The following OPHN1 variants were observed in gnomAD, a reference collection of about 807,000 sequenced individuals.
The protein encoded by OPHN1 is oligophrenin-1.
OPHN1 carries 11 observed loss-of-function variants against 60.7 expected under a neutral mutation model. The ratio of observed to expected loss-of-function variants is 0.18; its 90% CI spans 0.11 to 0.30. The LOEUF (loss-of-function observed/expected upper bound fraction) is 0.30. Among genes scored for constraint, OPHN1 ranks in the 10% least tolerant of loss-of-function variants. OPHN1 has a pLI of 1.00. For synonymous variants in OPHN1, 226 were observed against 222.6 expected, an observed-to-expected ratio of 1.02 and a Z score of -0.14; for missense variants, 449 against 611.0, an observed-to-expected ratio of 0.73 and a Z score of 2.80.
intron 15 of OPHN1, among the ~76,000 whole-genome samples, chrX:68,166,074 A>G (rs1169595917): frequency 1.8e-5 from 2 of 112,441 alleles, no homozygotes; most frequent in African/African-American, 3.2e-5. Context: ...AAACACCTAC[A>G]TGAAGGGGTT....
intron 11 of OPHN1, among the ~76,000 whole-genome samples, chrX:68,197,867 A>G (rs974391195): frequency 9.0e-6 from 1 of 111,476 alleles, no homozygotes; most frequent in Non-Finnish European, 1.9e-5. Flanking sequence ...TAAACTATGT[A>G]TATTAACTCA....
chrX:68,073,352 T>C lies in OPHN1; in HGVS notation c.1687-53A>G, dbSNP rs187122068. On this transcript the variant is annotated intron_variant, in intron 19 of 24. Coordinates refer to ENST00000355520, the MANE Select transcript of OPHN1 (RefSeq NM_002547.3). ...AGAATAATTAGATCAAGTTTTTGTC[T>C]TCTGAATGCTACCCACCAGTTGATG... is the stretch of plus-strand genomic sequence containing the variant. 10,476 of 1,075,830 alleles carry C rather than the reference T, an allele frequency of 9.7e-3. 65 individuals carry two copies. Among genetic ancestry groups the C allele is most frequent in the Non-Finnish European group, 0.011 (8,706 of 790,740 alleles). 88.7% of individuals were successfully genotyped at this position (1,075,830 alleles called of 1,213,427 possible).
chrX:68,389,700 C>T (rs2078644102), intron 2 of OPHN1, among the ~76,000 whole-genome samples: 1 of 104,979 alleles, frequency 9.5e-6, no homozygotes, highest in Admixed American at 1.0e-4. Context: ...ACAGGATGTT[C>T]CAATATTTAG....
At chrX:68,349,920 G>A (rs7060225) in intron 2 of OPHN1, among the ~76,000 whole-genome samples, 5 of 109,803 alleles carry the variant, frequency 4.6e-5, no homozygotes, top group Admixed American at 9.8e-5. Context: ...GGGGTGGGGG[G>A]CTAGGGGAGG....
At chrX:68,278,905 A>AT (rs59589210) in intron 4 of OPHN1, among the ~76,000 whole-genome samples, 2 of 108,515 alleles carry the variant, frequency 1.8e-5, no homozygotes, top group Non-Finnish European at 3.8e-5. Flanking sequence ...AATAAAAAAA[A>AT]TTTTTTTTTA....
intron 16 of OPHN1, among the ~76,000 whole-genome samples, chrX:68,118,780 T>C (rs754359754): frequency 1.8e-5 from 2 of 111,952 alleles, no homozygotes; most frequent in African/African-American, 3.2e-5. Flanking sequence ...TTGTATTTTC[T>C]TGGTTTTTAT....
intron 2 of OPHN1, among the ~76,000 whole-genome samples, chrX:68,317,193 A>G (rs144329404): frequency 0.015 from 1,606 of 106,181 alleles, 27 homozygotes; most frequent in Admixed American, 0.064. Context: ...CCAGCTACTC[A>G]GGAGGCTGAG....
At chrX:68,198,118 GAATATTCCCCA>G (rs970053322) in intron 11 of OPHN1, among the ~76,000 whole-genome samples, 12 of 111,723 alleles carry the variant, frequency 1.1e-4, no homozygotes, top group African/African-American at 3.6e-4. Flanking sequence ...GCTGTGGTCT[GAATATTCCCCA>G]AAATTCATAG....
intron 2 of OPHN1, among the ~76,000 whole-genome samples, chrX:68,335,056 G>A (rs2078315248): frequency 9.1e-6 from 1 of 109,417 alleles, no homozygotes; most frequent in Non-Finnish European, 1.9e-5. Flanking sequence ...TGCTCACAAT[G>A]ACTCCTTGTG....
intron 5 of OPHN1, among the ~76,000 whole-genome samples, chrX:68,273,364 G>A (rs1346931710): frequency 9.0e-6 from 1 of 111,645 alleles, no homozygotes; most frequent in Non-Finnish European, 1.9e-5. Context: ...TTGCTACATG[G>A]TGGATACACA....
At chrX:68,199,884 A>G (rs1032361307) in intron 11 of OPHN1, among the ~76,000 whole-genome samples, 1 of 112,256 alleles carries the variant, frequency 8.9e-6, no homozygotes, top group Admixed American at 9.4e-5. Context: ...AACATGGTGA[A>G]ACCCCATTTC....
chrX:68,317,579 A>G lies in OPHN1; in HGVS notation c.155-18483T>C, dbSNP rs867153025. Among the ~76,000 whole-genome samples the G allele has an allele frequency of 4.1e-3, 363 of 87,932 alleles. 9 individuals are homozygous for G. Among genetic ancestry groups the G allele is most frequent in the African/African-American group, 0.015 (330 of 21,293 alleles). 76.4% of individuals were successfully genotyped at this position (87,932 alleles called of 115,157 possible). ...AGAAAGAAAGAAAGAAAGAAAGAGAAAGAAAGAAAGAGAGAGAAAGAAAAA... is the reference window on the plus strand; with the variant it reads ...AGAAAGAAAGAAAGAAAGAAAGAGAGAGAAAGAAAGAGAGAGAAAGAAAAA... On this transcript the variant is annotated intron_variant, in intron 2 of 24. Transcript: ENST00000355520.
chrX:68,145,313 T>C (rs1236581598), intron 15 of OPHN1, among the ~76,000 whole-genome samples: 3 of 111,807 alleles, frequency 2.7e-5, no homozygotes, highest in African/African-American at 9.8e-5. Context: ...TGTTATTGCA[T>C]TGAAAACCTC....
At chrX:68,290,170 C>T (rs1342078043) in intron 3 of OPHN1, among the ~76,000 whole-genome samples, 3 of 111,051 alleles carry the variant, frequency 2.7e-5, no homozygotes, top group African/African-American at 6.6e-5. Context: ...ATTTAAAGAC[C>T]TACTTAAAGC....
intron 15 of OPHN1, among the ~76,000 whole-genome samples, chrX:68,173,135 G>C: frequency 9.0e-6 from 1 of 110,664 alleles, no homozygotes; most frequent in Non-Finnish European, 1.9e-5. Context: ...GAACTCATCA[G>C]AGGTAACCTG....
intron 2 of OPHN1, among the ~76,000 whole-genome samples, chrX:68,318,393 TG>T (rs2078219491): frequency 1.8e-5 from 2 of 111,944 alleles, no homozygotes. Flanking sequence ...AAGATTTTTT[TG>T]GGGCAAAGAC....
chrX:68,331,730 CAA>C (rs1158512927), intron 2 of OPHN1, among the ~76,000 whole-genome samples: 23 of 39,313 alleles, frequency 5.9e-4, no homozygotes, highest in East Asian at 8.8e-4. Context: ...GACTCTGTAT[CAA>C]AAAAAAAAAA....
intron 15 of OPHN1, among the ~76,000 whole-genome samples, chrX:68,131,569 T>C (rs770075097): frequency 8.9e-6 from 1 of 112,121 alleles, no homozygotes; most frequent in South Asian, 3.7e-4. Flanking sequence ...ATATGGCAAT[T>C]ATGAATATCT....
At chrX:68,432,760 C>T in intron 2 of OPHN1, 107 bp downstream of exon 2, 1 of 915,768 alleles carries the variant, frequency 1.1e-6, no homozygotes, top group East Asian at 3.1e-5. Flanking sequence ...CCTCAGAGAT[C>T]TGGGCTGGGA....
Sources: allele counts gnomAD v4.1 joint callset (sites outside exome capture counted in the v4.1 genomes callset), GRCh38; gene constraint gnomAD v4.1.1; transcripts MANE v1.5; gene names NCBI Gene and HGNC (gene_info 2026-07-23, HGNC 2026-07-21).